Variants in BMP6 observed in about 807,000 individuals in gnomAD.
The protein encoded by BMP6 is bone morphogenetic protein 6, also known as VG-1-R.
In BMP6, 17 loss-of-function variants were observed where a neutral mutation model predicts 54.1. The observed-to-expected ratio is 0.31, with a 90% CI of 0.22 to 0.47. BMP6 has a LOEUF of 0.47. Ranked by LOEUF, BMP6 falls within the 20% of genes least tolerant of loss-of-function variation. The pLI is 1.00. For synonymous variants in BMP6, 328 were observed against 291.2 expected (o/e 1.13, Z -1.28); for missense variants, 720 against 690.4 (o/e 1.04, Z -0.48).
intron 1 of BMP6, among the ~76,000 whole-genome samples, chr6:7,834,533 TAA>T (rs201009020): frequency 6.6e-6 from 1 of 151,020 alleles, no homozygotes; most frequent in Non-Finnish European, 1.5e-5. Context: ...TTTTTTTTTT[TAA>T]AATCATTGAG....
At chr6:7,764,620 G>A (rs1757658485) in intron 1 of BMP6, among the ~76,000 whole-genome samples, 1 of 152,048 alleles carries the variant, frequency 6.6e-6, no homozygotes, top group African/African-American at 2.4e-5. Context: ...CTGGCTTTTG[G>A]TTGCCTCCCA....
chr6:7,790,495 A>G (rs1025942497), intron 1 of BMP6, among the ~76,000 whole-genome samples: 8 of 133,468 alleles, frequency 6.0e-5, no homozygotes, highest in Admixed American at 3.5e-4. Flanking sequence ...AGCCAGGGTG[A>G]CACAGTGAGA....
intron 1 of BMP6, among the ~76,000 whole-genome samples, chr6:7,831,106 G>C (rs1050908483): frequency 1.3e-5 from 2 of 152,208 alleles, no homozygotes; most frequent in Non-Finnish European, 2.9e-5. Context: ...CCATACAATG[G>C]AATGTCATTC....
At chr6:7,742,492 G>T (rs529296993) in intron 1 of BMP6, among the ~76,000 whole-genome samples, 1 of 152,276 alleles carries the variant, frequency 6.6e-6, no homozygotes, top group Admixed American at 6.5e-5. Context: ...GGACTGAGGG[G>T]TGACATAATG....
At chr6:7,878,572 C>G (rs1008602864) in intron 4 of BMP6, among the ~76,000 whole-genome samples, 1 of 152,238 alleles carries the variant, frequency 6.6e-6, no homozygotes, top group South Asian at 2.1e-4. Context: ...TCCCCCGTTC[C>G]TGGGCCTCCT....
At position 7,862,306 on chromosome 6, in the gene BMP6, C is replaced by A; in HGVS notation, c.1012C>A (p.His338Asn). The A allele has an allele frequency of 6.2e-7, 1 of 1,614,144 alleles. No homozygotes were observed. Residue 338 changes from histidine to asparagine, a missense_variant, in exon 4 of 7, where the codon CAC (histidine) becomes AAC (asparagine). By Grantham distance (68) the His-to-Asn change is moderately conservative. Around this residue, in one of 3 missense-constraint regions of BMP6, gnomAD observed 650 missense variants for 556.3 expected, o/e 1.17. Coordinates refer to ENST00000283147, the MANE Select transcript of BMP6 (RefSeq NM_001718.6). ...TGCTTTGATTTGCATTAAAGGAGTCCACGTCCACCCCCGAGCCGCAGGCCT... is the reference window on the plus strand; with the variant it reads ...TGCTTTGATTTGCATTAAAGGAGTCAACGTCCACCCCCGAGCCGCAGGCCT... ...QLSVVTRDGV[H>N]VHPRAAGLVG...
chr6:7,738,134 T>C (rs1483912219), intron 1 of BMP6, among the ~76,000 whole-genome samples: 1 of 152,240 alleles, frequency 6.6e-6, no homozygotes, highest in Non-Finnish European at 1.5e-5. Context: ...CTTTCTATTC[T>C]ATTCCTCTCT....
At position 7,880,419 on chromosome 6, in the gene BMP6, C is replaced by T. The variant is rs1581298265; in HGVS notation, c.*76C>T. ...CATCTGCCTTAAAAAAACACGGAAG[C>T]ACAGTTGGAGGTGGGACGATGAGAC... On this transcript the variant is annotated 3_prime_UTR_variant, in exon 7 of 7. Coordinates refer to ENST00000283147, the MANE Select transcript of BMP6 (RefSeq NM_001718.6). 6.3e-7 allele frequency: 1 copy of T among 1,580,560 alleles called. No homozygotes were observed. The highest frequency in any genetic ancestry group is 8.7e-7 in the Non-Finnish European group (1 of 1,154,666).
At chr6:7,798,419 C>A (rs1421092010) in intron 1 of BMP6, among the ~76,000 whole-genome samples, 2 of 152,204 alleles carry the variant, frequency 1.3e-5, no homozygotes, top group African/African-American at 2.4e-5. Flanking sequence ...TCATGCAGCC[C>A]CTTAGAGTTG....
intron 2 of BMP6, among the ~76,000 whole-genome samples, chr6:7,855,176 C>T (rs933930622): frequency 3.9e-5 from 6 of 152,188 alleles, no homozygotes; most frequent in African/African-American, 1.4e-4. Context: ...GAGCAGATAG[C>T]TTTCAACTCT....
chr6:7,727,569 A>ACAG lies in BMP6; in HGVS notation c.616_618dup (p.Ser206dup). 1.3e-6 allele frequency: 2 copies of ACAG among 1,587,184 alleles called. No homozygotes were observed. The highest frequency in any genetic ancestry group is 1.7e-6 in the Non-Finnish European group (2 of 1,175,062). On this transcript the variant is annotated inframe_insertion, in exon 1 of 7. Coordinates refer to ENST00000283147, the MANE Select transcript of BMP6 (RefSeq NM_001718.6). The stretch of plus-strand genomic sequence containing the variant: ...GCGTCCCCACTGACCAGCGCGCAGG[A>ACAG]CAGCGCCTTCCTCAACGACGCGGAC...
chr6:7,865,142 C>A (rs1374980750), intron 4 of BMP6, among the ~76,000 whole-genome samples: 5 of 152,168 alleles, frequency 3.3e-5, no homozygotes, highest in Admixed American at 6.5e-5. Context: ...TTGATTTTAG[C>A]AATATCAACC....
intron 1 of BMP6, among the ~76,000 whole-genome samples, chr6:7,832,956 G>A (rs544015235): frequency 3.2e-4 from 49 of 152,032 alleles, no homozygotes; most frequent in African/African-American, 1.2e-3. Flanking sequence ...GAGGGTGGGA[G>A]GTGGCTGTGG....
chr6:7,836,213 A>T (rs570153672), intron 1 of BMP6, among the ~76,000 whole-genome samples: 53 of 132,136 alleles, frequency 4.0e-4, no homozygotes, highest in Admixed American at 1.4e-3. Context: ...TTTTTTTTAA[A>T]AAAAAATGAC....
intron 1 of BMP6, among the ~76,000 whole-genome samples, chr6:7,748,604 G>T (rs911233755): frequency 6.6e-6 from 1 of 152,118 alleles, no homozygotes; most frequent in Admixed American, 6.5e-5. Context: ...ACCCTTGGGG[G>T]CTATGCCAGT....
chr6:7,778,257 C>T (rs923257445), intron 1 of BMP6, among the ~76,000 whole-genome samples: 3 of 152,142 alleles, frequency 2.0e-5, no homozygotes, highest in African/African-American at 4.8e-5. Context: ...TGTATGGGTG[C>T]AGAACTTTAA....
chr6:7,776,303 T>A (rs1442088228), intron 1 of BMP6, among the ~76,000 whole-genome samples: 1 of 152,264 alleles, frequency 6.6e-6, no homozygotes, highest in African/African-American at 2.4e-5. Flanking sequence ...AAGGGCTTTA[T>A]CTAGTTGATC....
chr6:7,861,252 C>T (rs1393463213), intron 2 of BMP6, among the ~76,000 whole-genome samples, 199 bp from the exon 3 acceptor site: 1 of 152,076 alleles, frequency 6.6e-6, no homozygotes, highest in African/African-American at 2.4e-5. Context: ...ATCAGATGTG[C>T]CTGTCTCTCC....
At chr6:7,853,031 G>A (rs1014093187) in intron 2 of BMP6, among the ~76,000 whole-genome samples, 2 of 152,086 alleles carry the variant, frequency 1.3e-5, no homozygotes, top group Admixed American at 1.3e-4. Context: ...GCTCTAGGCC[G>A]CTACCAATTG....
Sources: gnomAD v4.1 joint callset for allele counts (sites outside exome capture counted in the v4.1 genomes callset) on GRCh38, gnomAD v4.1.1 for gene constraint, gnomAD v4.1.1 regional missense constraint, MANE v1.5 for transcripts, NCBI Gene and HGNC (gene_info 2026-07-23, HGNC 2026-07-21) for gene names.